The following NLGN4X variants were observed in gnomAD, a reference collection of about 807,000 sequenced individuals.
NLGN4X encodes neuroligin-4, X-linked.
Under a neutral mutation model 40.3 loss-of-function variants are expected in NLGN4X, and 3 were observed. The observed-to-expected ratio is 0.07, with a 90% CI of 0.03 to 0.19. NLGN4X has a LOEUF of 0.19. NLGN4X is among the 10% of genes least tolerant of loss of function. The pLI is 1.00. For missense variants in NLGN4X, 382 were observed against 708.3 expected (o/e 0.54, Z 5.23); for synonymous variants, 270 against 306.8 (o/e 0.88, Z 1.25).
chrX:6,218,174 C>T (rs1376012184), intron 1 of NLGN4X, among the ~76,000 whole-genome samples: 1 of 111,103 alleles, frequency 9.0e-6, no homozygotes, highest in Non-Finnish European at 1.9e-5. Flanking sequence ...ACAAACCTAC[C>T]CTCAAAAGCA....
At chrX:6,020,245 C>T (rs1282256298) in intron 3 of NLGN4X, among the ~76,000 whole-genome samples, 3 of 111,651 alleles carry the variant, frequency 2.7e-5, no homozygotes, top group African/African-American at 9.8e-5. Flanking sequence ...GGTTTATACA[C>T]ACAAGGGACT....
At chrX:6,116,387 CTTTCTTTTTTTTTTTTTTTTTTTTTTTT>C (rs1373636908) in intron 2 of NLGN4X, among the ~76,000 whole-genome samples, 4 of 29,533 alleles carry the variant, frequency 1.4e-4, no homozygotes, top group African/African-American at 3.5e-4. Flanking sequence ...TTGAACCTTT[CTTTCTTTTTTTTTTTTTTTTTTTTTTTT>C]TTTTTTTTTT....
intron 1 of NLGN4X, among the ~76,000 whole-genome samples, chrX:6,209,104 T>C (rs1484026046): frequency 8.9e-6 from 1 of 111,850 alleles, no homozygotes; most frequent in East Asian, 2.8e-4. Flanking sequence ...CTGGAGGCCA[T>C]TACCTTAAGT....
At chrX:6,032,036 C>G (rs1007293954) in intron 2 of NLGN4X, among the ~76,000 whole-genome samples, 1 of 109,669 alleles carries the variant, frequency 9.1e-6, no homozygotes, top group Non-Finnish European at 1.9e-5. Flanking sequence ...TGTCCTTTTT[C>G]AGTTCTGAGA....
chrX:6,198,063 C>CAAAAA (rs555036899), intron 1 of NLGN4X, among the ~76,000 whole-genome samples: 1 of 94,717 alleles, frequency 1.1e-5, no homozygotes, highest in African/African-American at 4.0e-5. Flanking sequence ...AGCCCTGTCT[C>CAAAAA]AAAAAACAAA....
intron 2 of NLGN4X, among the ~76,000 whole-genome samples, chrX:6,088,511 T>C (rs768387104): frequency 8.9e-6 from 1 of 112,095 alleles, no homozygotes; most frequent in African/African-American, 3.2e-5. Context: ...ATTCAAGTCT[T>C]AATATGGTAT....
chrX:6,094,645 TG>T (rs749708783), intron 2 of NLGN4X, among the ~76,000 whole-genome samples: 1 of 110,826 alleles, frequency 9.0e-6, no homozygotes, highest in Middle Eastern at 4.7e-3. Flanking sequence ...TGTTATGGGG[TG>T]GGGGGATACT....
chrX:6,163,108 T>G (rs1323677461), intron 1 of NLGN4X, among the ~76,000 whole-genome samples: 1 of 111,943 alleles, frequency 8.9e-6, no homozygotes, highest in Non-Finnish European at 1.9e-5. Context: ...CATGCCTTTG[T>G]TCTTACCTTG....
chrX:5,952,644 A>G (rs995077089), intron 3 of NLGN4X, among the ~76,000 whole-genome samples: 1 of 111,253 alleles, frequency 9.0e-6, no homozygotes, highest in Admixed American at 9.6e-5. Flanking sequence ...TTTGTTCACC[A>G]ATATAGGTTA....
chrX:6,114,656 A>G, intron 2 of NLGN4X, among the ~76,000 whole-genome samples: 1 of 111,394 alleles, frequency 9.0e-6, no homozygotes, highest in Non-Finnish European at 1.9e-5. Flanking sequence ...AAAATCAGAT[A>G]AACTAAACAC....
chrX:6,112,493 T>A (rs1228042568), intron 2 of NLGN4X, among the ~76,000 whole-genome samples: 1 of 110,696 alleles, frequency 9.0e-6, no homozygotes, highest in Non-Finnish European at 1.9e-5. Flanking sequence ...TAGGCACATC[T>A]CTCATGCAAA....
intron 5 of NLGN4X, among the ~76,000 whole-genome samples, chrX:5,900,202 A>T (rs762539395): frequency 5.9e-4 from 66 of 112,499 alleles, no homozygotes; most frequent in Admixed American, 1.2e-3. Context: ...ATGTGAGCTT[A>T]TTTGGAAATA....
At chrX:6,099,576 C>A (rs2038860883) in intron 2 of NLGN4X, among the ~76,000 whole-genome samples, 1 of 112,146 alleles carries the variant, frequency 8.9e-6, no homozygotes, top group Admixed American at 9.4e-5. Context: ...AAAGTATCTA[C>A]TATCCATTCT....
At chrX:6,107,389 G>A (rs960139613) in intron 2 of NLGN4X, among the ~76,000 whole-genome samples, 2 of 111,151 alleles carry the variant, frequency 1.8e-5, no homozygotes, top group Non-Finnish European at 3.8e-5. Flanking sequence ...GTTACCCCCA[G>A]TAAACTAATA....
chrX:5,984,429 T>A (rs1254194701), intron 3 of NLGN4X, among the ~76,000 whole-genome samples: 1 of 108,048 alleles, frequency 9.3e-6, no homozygotes, highest in Non-Finnish European at 1.9e-5. Flanking sequence ...ATCTAAATTA[T>A]GTGCAAACAG....
At chrX:6,136,675 T>C (rs1234741686) in intron 2 of NLGN4X, among the ~76,000 whole-genome samples, 1 of 112,569 alleles carries the variant, frequency 8.9e-6, no homozygotes, top group Non-Finnish European at 1.9e-5. Context: ...AACATAATCA[T>C]GGAAGTGGTG....
intron 2 of NLGN4X, chrX:6,061,762 T>A (rs2037777915): frequency 1.8e-5 from 2 of 112,048 alleles, no homozygotes; most frequent in South Asian, 7.5e-4. Flanking sequence ...TATGACCTAT[T>A]TGAATTACAC....
chrX:6,155,078 T>G (rs1047727102), intron 1 of NLGN4X, among the ~76,000 whole-genome samples: 2 of 111,555 alleles, frequency 1.8e-5, no homozygotes, highest in African/African-American at 3.3e-5. Context: ...TCCTGGGTGT[T>G]TATGGCCTTG....
chrX:6,013,075 G>T (rs1454370370), intron 3 of NLGN4X, among the ~76,000 whole-genome samples: 1 of 110,582 alleles, frequency 9.0e-6, no homozygotes, highest in Non-Finnish European at 1.9e-5. Flanking sequence ...CCCATGGAAA[G>T]ACCTAAAGAA....
Sources: allele counts gnomAD v4.1 joint callset (sites outside exome capture counted in the v4.1 genomes callset), GRCh38; gene constraint gnomAD v4.1.1; transcripts MANE v1.5; gene names NCBI Gene and HGNC (gene_info 2026-07-23, HGNC 2026-07-21).